PPP1R9A: variants seen among roughly 807,000 people sequenced by gnomAD.
The protein encoded by PPP1R9A is neurabin-1.
A neutral mutation model predicts 141.9 loss-of-function variants in PPP1R9A; 59 were observed. The observed-to-expected ratio is 0.42, with a 90% CI of 0.34 to 0.52. The LOEUF (loss-of-function observed/expected upper bound fraction) is 0.52, where lower values mean the gene tolerates loss of function less well. Ranked by LOEUF, PPP1R9A falls within the 20% of genes least tolerant of loss-of-function variation. PPP1R9A has a pLI of 0.10. For synonymous variants in PPP1R9A, 500 were observed against 569.7 expected, an observed-to-expected ratio of 0.88 and a Z score of 1.74; for missense variants, 1,444 against 1,611.9, an observed-to-expected ratio of 0.90 and a Z score of 1.78.
At chr7:95,131,118 A>G (rs1017753140) in intron 4 of PPP1R9A, among the ~76,000 whole-genome samples, 2 of 152,026 alleles carry the variant, frequency 1.3e-5, no homozygotes, top group Non-Finnish European at 2.9e-5. Flanking sequence ...CCTCACCCAA[A>G]TCTCCTCTTG....
At chr7:95,042,571 T>G (rs891232088) in intron 2 of PPP1R9A, among the ~76,000 whole-genome samples, 2 of 152,216 alleles carry the variant, frequency 1.3e-5, no homozygotes, top group Non-Finnish European at 2.9e-5. Flanking sequence ...ATTCATTTAT[T>G]ACACATTTAG....
intron 2 of PPP1R9A, among the ~76,000 whole-genome samples, chr7:95,082,913 G>A (rs1159874662): frequency 4.6e-5 from 7 of 150,792 alleles, no homozygotes; most frequent in African/African-American, 7.4e-5. Context: ...CCACCACCAC[G>A]CCCGGCTAAT....
At chr7:95,130,927 C>A (rs1276551755) in intron 4 of PPP1R9A, among the ~76,000 whole-genome samples, 1 of 152,184 alleles carries the variant, frequency 6.6e-6, no homozygotes, top group Admixed American at 6.5e-5. Flanking sequence ...TTTGATTTTA[C>A]AGGCTCATAG....
chr7:95,020,804 A>G (rs1214531800), intron 2 of PPP1R9A, among the ~76,000 whole-genome samples: 2 of 152,182 alleles, frequency 1.3e-5, no homozygotes, highest in Non-Finnish European at 1.5e-5. Flanking sequence ...TTCAAATAAC[A>G]TGAACTCAGC....
At chr7:95,101,339 A>G (rs1232421095) in intron 2 of PPP1R9A, among the ~76,000 whole-genome samples, 2 of 152,220 alleles carry the variant, frequency 1.3e-5, no homozygotes, top group East Asian at 3.8e-4. Context: ...TTTATATTGC[A>G]TTACTAAATG....
chr7:94,928,799 G>T (rs1320970401), intron 2 of PPP1R9A, among the ~76,000 whole-genome samples: 1 of 152,136 alleles, frequency 6.6e-6, no homozygotes, highest in East Asian at 1.9e-4. Flanking sequence ...GTCACTTAAA[G>T]ATCTTGTTAA....
At chr7:95,171,228 A>G (rs995923262) in intron 5 of PPP1R9A, among the ~76,000 whole-genome samples, 8 of 151,588 alleles carry the variant, frequency 5.3e-5, no homozygotes, top group African/African-American at 1.9e-4. Context: ...TTTAAACCCA[A>G]ACTTATCAGG....
intron 2 of PPP1R9A, among the ~76,000 whole-genome samples, chr7:94,919,396 C>A (rs1792507897): frequency 6.7e-6 from 1 of 149,664 alleles, no homozygotes; most frequent in Non-Finnish European, 1.5e-5. Flanking sequence ...CCTCTTGCCT[C>A]ACCCTCCCAA....
chr7:95,260,989 A>G (rs1156844164), intron 12 of PPP1R9A, among the ~76,000 whole-genome samples: 3 of 152,194 alleles, frequency 2.0e-5, no homozygotes, highest in Non-Finnish European at 4.4e-5. Context: ...CACCTGGTTC[A>G]CCATGAAATT....
At chr7:94,980,369 A>G (rs1181785185) in intron 2 of PPP1R9A, among the ~76,000 whole-genome samples, 1 of 152,116 alleles carries the variant, frequency 6.6e-6, no homozygotes, top group African/African-American at 2.4e-5. Context: ...TTGTATTAAT[A>G]TTACAGTTAT....
intron 8 of PPP1R9A, among the ~76,000 whole-genome samples, chr7:95,240,485 C>T (rs1327864764): frequency 1.3e-5 from 2 of 149,566 alleles, no homozygotes; most frequent in Admixed American, 6.7e-5. Flanking sequence ...GTCTTTTTTT[C>T]GTGTCTGAGA....
intron 4 of PPP1R9A, among the ~76,000 whole-genome samples, chr7:95,125,273 G>A (rs968958253): frequency 3.3e-5 from 5 of 152,094 alleles, no homozygotes; most frequent in Admixed American, 2.6e-4. Context: ...GTGCCACAGT[G>A]CGGGGCTTTT....
intron 12 of PPP1R9A, among the ~76,000 whole-genome samples, chr7:95,254,672 A>C (rs1025245280): frequency 6.6e-6 from 1 of 152,244 alleles, no homozygotes; most frequent in Admixed American, 6.5e-5. Flanking sequence ...GTGTAGGTCA[A>C]TGAAAATGGT....
intron 2 of PPP1R9A, among the ~76,000 whole-genome samples, chr7:94,962,352 A>G (rs1201694668): frequency 6.6e-6 from 1 of 151,932 alleles, no homozygotes; most frequent in Non-Finnish European, 1.5e-5. Context: ...TGATAAAGCA[A>G]AGTTCTCATA....
intron 2 of PPP1R9A, among the ~76,000 whole-genome samples, chr7:95,027,027 G>T (rs2078883): frequency 3.3e-5 from 5 of 152,118 alleles, no homozygotes; most frequent in African/African-American, 1.2e-4. Context: ...GACTCCATAG[G>T]GGTGGGATCT....
intron 2 of PPP1R9A, among the ~76,000 whole-genome samples, chr7:95,092,519 C>T (rs1817497206): frequency 6.6e-6 from 1 of 152,088 alleles, no homozygotes; most frequent in African/African-American, 2.4e-5. Context: ...TATCTGAAAT[C>T]TTGAACAGCT....
intron 16 of PPP1R9A, among the ~76,000 whole-genome samples, chr7:95,279,289 A>G (rs1803725088): frequency 6.6e-6 from 1 of 152,180 alleles, no homozygotes; most frequent in Admixed American, 6.5e-5. Context: ...GTTGCTGAGT[A>G]AGAGCAAAAC....
At chr7:95,239,359 A>C (rs147549947) in intron 8 of PPP1R9A, among the ~76,000 whole-genome samples, 1,934 of 152,288 alleles carry the variant, frequency 0.013, 29 homozygotes, top group African/African-American at 0.044. Context: ...ACCAGTGTAT[A>C]AGTGTGTACC....
At chr7:95,028,866 A>T (rs1049709718) in intron 2 of PPP1R9A, among the ~76,000 whole-genome samples, 2 of 152,196 alleles carry the variant, frequency 1.3e-5, no homozygotes, top group African/African-American at 4.8e-5. Context: ...GCAGGAAGAT[A>T]GCTTAACTGA....
Sources: gnomAD v4.1 joint callset for allele counts (sites outside exome capture counted in the v4.1 genomes callset) on GRCh38, gnomAD v4.1.1 for gene constraint, MANE v1.5 for transcripts, NCBI Gene and HGNC (gene_info 2026-07-23, HGNC 2026-07-21) for gene names.